Variants in PTK2B observed in about 807,000 individuals in gnomAD.
PTK2B encodes the protein protein tyrosine kinase 2 beta, also known as protein-tyrosine kinase 2-beta.
Under a neutral mutation model 142.9 loss-of-function variants are expected in PTK2B, and 71 were observed. The ratio of observed to expected loss-of-function variants is 0.50; its 90% CI spans 0.41 to 0.61. The LOEUF is 0.61. PTK2B is among the 20% of genes least tolerant of loss of function. The probability of loss-of-function intolerance (pLI) is 0.00; values close to 1 mark genes in which losing one functional copy is unlikely to be tolerated. For synonymous variants in PTK2B, 519 were observed against 503.4 expected (o/e 1.03, Z -0.42); for missense variants, 1,105 against 1,320.4 (o/e 0.84, Z 2.53).
Position 27,458,993 on chromosome 8 carries a change from ATTC to A in PTK2B, c.*487_*489del, listed in dbSNP as rs1812330501. 2 of 310,426 alleles carry A rather than the reference ATTC, an allele frequency of 6.4e-6. No individual in the cohort carries two copies. The highest frequency in any genetic ancestry group is 1.2e-5 in the Non-Finnish European group (2 of 164,224). The allele number at this position is 310,426 out of a possible 1,614,324, so 19.2% of individuals were successfully genotyped here. A position where few individuals can be genotyped will look rare whatever the true frequency, so the allele number is the denominator to read the frequency against. On this transcript the variant is annotated 3_prime_UTR_variant, in exon 31 of 31. Transcript: ENST00000346049. ...CAGTGAGATGAGGGATGGGCCTGGC[ATTC>A]TTGTACAGTGTATATTGAAATTTAT...
chr8:27,398,627 A>G (rs564061721), intron 2 of PTK2B, among the ~76,000 whole-genome samples: 39 of 152,316 alleles, frequency 2.6e-4, no homozygotes, highest in South Asian at 1.9e-3. Flanking sequence ...ATGGGAGGGA[A>G]ATCCAGATTG....
At position 27,451,110 on chromosome 8, in the gene PTK2B, G is replaced by T. The variant is rs185539420; in HGVS notation, c.2523+32G>T. On this transcript the variant is annotated intron_variant, in intron 26 of 30. Transcript: ENST00000346049. ...TGCCAGGAGAGGCCGCCTCCTCCAT[G>T]CCAAGGCCTGGGAAGGCCTCGCCCA... 4,715 of 1,604,648 alleles carry T rather than the reference G, an allele frequency of 2.9e-3. 6 individuals carry two copies. Among genetic ancestry groups the T allele is most frequent in the Admixed American group, 3.8e-3 (226 of 60,018 alleles).
chr8:27,431,132 A>G, intron 8 of PTK2B, 116 bp downstream of exon 8: 1 of 1,506,062 alleles, frequency 6.6e-7, no homozygotes. Context: ...CTCAGGCAGC[A>G]GGACCTCGCT....
At chr8:27,448,675 C>T (rs1411410329) in intron 24 of PTK2B, among the ~76,000 whole-genome samples, 1 of 152,238 alleles carries the variant, frequency 6.6e-6, no homozygotes, top group Non-Finnish European at 1.5e-5. Flanking sequence ...CCATACTCTT[C>T]CTTAACCCAT....
At chr8:27,430,448 C>T (rs1298964307) in intron 7 of PTK2B, 30 bp downstream of exon 7, 11 of 1,612,392 alleles carry the variant, frequency 6.8e-6, no homozygotes, top group African/African-American at 1.3e-5. Flanking sequence ...AGGACCTCTT[C>T]GTGCTGATTC....
intron 25 of PTK2B, 54 bp from the exon 26 acceptor site, chr8:27,450,989 G>A (rs1392271816): frequency 6.2e-7 from 1 of 1,610,090 alleles, no homozygotes; most frequent in African/African-American, 1.3e-5. Flanking sequence ...CTGCATTCTT[G>A]GTGCTTTCAG....
At position 27,434,078 on chromosome 8, in the gene PTK2B, C is replaced by T. The variant is rs1485032695; in HGVS notation, c.1106-15C>T. On this transcript the variant is annotated splice_polypyrimidine_tract_variant and intron_variant, in intron 11 of 30. Coordinates refer to ENST00000346049, the MANE Select transcript of PTK2B (RefSeq NM_173176.3). The stretch of plus-strand genomic sequence containing the variant: ...GTCCCCAGCTCCAACCTCCTCCTTC[C>T]TCCTCTCTTCCTAGATGGTGAGAAG... The T allele has an allele frequency of 6.2e-7, 1 of 1,613,886 alleles. No individual in the cohort carries two copies. Among genetic ancestry groups the T allele is most frequent in the African/African-American group, 1.3e-5 (1 of 74,908 alleles).
At chr8:27,311,376 T>A, upstream of PTK2B, 2 of 1,100,686 alleles carry the variant, frequency 1.8e-6, no homozygotes, top group Non-Finnish European at 2.5e-6. Context: ...CGCTGGCCAA[T>A]CGTGCGGGGG....
intron 1 of PTK2B, among the ~76,000 whole-genome samples, chr8:27,385,046 C>T (rs1807258947): frequency 1.3e-5 from 2 of 152,206 alleles, no homozygotes; most frequent in South Asian, 4.1e-4. Flanking sequence ...TCTGACTCCA[C>T]TCAAATCACA....
intron 24 of PTK2B, 105 bp from the exon 25 acceptor site, chr8:27,450,644 G>A (rs1033076394): frequency 9.8e-6 from 14 of 1,425,472 alleles, no homozygotes; most frequent in Admixed American, 2.1e-5. Context: ...CAGCTGGCCA[G>A]GCCAAGGCTT....
intron 2 of PTK2B, among the ~76,000 whole-genome samples, chr8:27,405,349 C>T (rs557768845): frequency 6.6e-6 from 1 of 152,254 alleles, no homozygotes; most frequent in Admixed American, 6.5e-5. Context: ...CACCCTCCTT[C>T]AGATGCTGCT....
At chr8:27,437,257 C>G in intron 16 of PTK2B, 51 bp downstream of exon 16, 2 of 1,577,104 alleles carry the variant, frequency 1.3e-6, no homozygotes, top group Non-Finnish European at 1.7e-6. Context: ...GGGCTTCAGC[C>G]TGGGAAGAGA....
chr8:27,436,217 CTG>C (rs2132137187), intron 14 of PTK2B, 32 bp from the exon 15 acceptor site: 1 of 1,607,238 alleles, frequency 6.2e-7, no homozygotes, highest in Non-Finnish European at 8.5e-7. Context: ...CCACCGATCT[CTG>C]TGATCTGCGA....
At position 27,454,148 on chromosome 8, in the gene PTK2B, C is replaced by T. The variant is rs1392250058; in HGVS notation, c.2596-6C>T. On this transcript the variant is annotated splice_polypyrimidine_tract_variant and splice_region_variant and intron_variant, in intron 28 of 30. Coordinates refer to ENST00000346049, the MANE Select transcript of PTK2B (RefSeq NM_173176.3). ...AACTCACTGGCCACCTGCGTCTTCC[C>T]CTCAGTCCATCCAGCCCACAGCTAA... is the stretch of plus-strand genomic sequence containing the variant. 15 of 1,614,022 alleles carry T rather than the reference C, an allele frequency of 9.3e-6. No individual in the cohort carries two copies. The highest frequency in any genetic ancestry group is 2.2e-5 in the East Asian group (1 of 44,878).
At chr8:27,319,502 G>C (rs1412080732) in intron 3 of PTK2B, among the ~76,000 whole-genome samples, 2 of 151,800 alleles carry the variant, frequency 1.3e-5, no homozygotes, top group Non-Finnish European at 2.9e-5. Context: ...AAATTAGCCA[G>C]GCCCGGTGGC....
chr8:27,334,837 C>T (rs917806909), intron 1 of PTK2B, among the ~76,000 whole-genome samples: 1 of 152,152 alleles, frequency 6.6e-6, no homozygotes, highest in African/African-American at 2.4e-5. Flanking sequence ...GCCCTTCTTG[C>T]CTGTCCTGAA....
At chr8:27,437,652 G>A (rs1002274178) in intron 17 of PTK2B, 113 bp from the exon 18 acceptor site, 2 of 1,258,894 alleles carry the variant, frequency 1.6e-6, no homozygotes, top group African/African-American at 3.0e-5. Flanking sequence ...TGCCAGCTTT[G>A]GGTTTGTCTC....
chr8:27,444,066 G>T (rs1288900183), intron 22 of PTK2B, 140 bp from the exon 23 acceptor site: 2 of 841,926 alleles, frequency 2.4e-6, no homozygotes, highest in Non-Finnish European at 1.9e-6. Context: ...GATGCAAAAT[G>T]AGTTTCATGA....
chr8:27,358,666 A>G (rs1805524720), intron 1 of PTK2B, among the ~76,000 whole-genome samples: 1 of 152,108 alleles, frequency 6.6e-6, no homozygotes, highest in African/African-American at 2.4e-5. Flanking sequence ...TAAGACTTCT[A>G]ATATATTTAG....
Sources: gnomAD v4.1 joint callset for allele counts (sites outside exome capture counted in the v4.1 genomes callset) on GRCh38, gnomAD v4.1.1 for gene constraint, MANE v1.5 for transcripts, NCBI Gene and HGNC (gene_info 2026-07-23, HGNC 2026-07-21) for gene names.